Variants in DSCAML1 observed in about 807,000 individuals in gnomAD.
DSCAML1 encodes cell adhesion molecule DSCAML1.
In DSCAML1, 38 loss-of-function variants were observed where a neutral mutation model predicts 200.5. The ratio of observed to expected loss-of-function variants is 0.19; its 90% CI spans 0.15 to 0.25. DSCAML1 has a LOEUF of 0.25. DSCAML1 is among the 10% of genes least tolerant of loss of function. The pLI is 1.00. For missense variants in DSCAML1, 2,223 were observed against 2,858.8 expected (o/e 0.78, Z 5.07); for synonymous variants, 1,215 against 1,165.0 (o/e 1.04, Z -0.87).
At chr11:117,774,016 A>C (rs2055085718) in intron 3 of DSCAML1, among the ~76,000 whole-genome samples, 1 of 152,228 alleles carries the variant, frequency 6.6e-6, no homozygotes, top group African/African-American at 2.4e-5. Flanking sequence ...GCCCTGAAGC[A>C]CCAACTACAG....
At chr11:117,456,478 A>C (rs1280874261) in intron 19 of DSCAML1, among the ~76,000 whole-genome samples, 1 of 152,138 alleles carries the variant, frequency 6.6e-6, no homozygotes, top group East Asian at 1.9e-4. Flanking sequence ...CGGCATTTGG[A>C]AAGTAGCTTT....
intron 3 of DSCAML1, among the ~76,000 whole-genome samples, chr11:117,701,374 T>A (rs1456532866): frequency 6.6e-6 from 1 of 152,122 alleles, no homozygotes; most frequent in Non-Finnish European, 1.5e-5. Context: ...CTGGGCAGGA[T>A]CGTCCCCCAG....
intron 3 of DSCAML1, among the ~76,000 whole-genome samples, chr11:117,612,955 TC>T (rs1306090771): frequency 6.6e-6 from 1 of 152,074 alleles, no homozygotes; most frequent in Non-Finnish European, 1.5e-5. Context: ...TCACTTTCCA[TC>T]CCTGATTGGG....
intron 3 of DSCAML1, among the ~76,000 whole-genome samples, chr11:117,623,809 G>A (rs1276814426): frequency 3.3e-5 from 5 of 152,174 alleles, no homozygotes; most frequent in African/African-American, 1.2e-4. Flanking sequence ...AGACGAGGTA[G>A]CCCAAGATCA....
rs2047983476 is a variant in DSCAML1, at chr11:117,439,073, C to G, written c.4145-90G>C. The G allele has an allele frequency of 3.4e-5, 46 of 1,365,894 alleles. No individual in the cohort carries two copies. In the South Asian group the frequency reaches 5.7e-4, roughly 17 times the overall value. The allele number at this position is 1,365,894 out of a possible 1,614,324, so 84.6% of individuals were successfully genotyped here. On this transcript the variant is annotated intron_variant, in intron 23 of 32. Coordinates refer to ENST00000651296, the MANE Select transcript of DSCAML1 (RefSeq NM_020693.4). ...CCCCCGTGACGGGAAGGTGCTGGCT[C>G]TCCCACACCCTCACTCCCACTCCCA...
intron 3 of DSCAML1, among the ~76,000 whole-genome samples, chr11:117,639,837 C>T (rs1444845847): frequency 5.3e-5 from 8 of 152,266 alleles, no homozygotes; most frequent in East Asian, 1.9e-4. Context: ...CCATGCCTCC[C>T]GCTCCCTTCC....
chr11:117,542,294 C>CAA (rs869061773), intron 3 of DSCAML1, among the ~76,000 whole-genome samples: 1 of 76,568 alleles, frequency 1.3e-5, no homozygotes, highest in South Asian at 4.9e-4. Context: ...GACTCCCTAT[C>CAA]AAAAAAACAA....
At chr11:117,586,892 T>C (rs1239196468) in intron 3 of DSCAML1, among the ~76,000 whole-genome samples, 9 of 152,230 alleles carry the variant, frequency 5.9e-5, no homozygotes, top group Admixed American at 5.9e-4. Flanking sequence ...TGGCTTGCTC[T>C]GCACAGCGCT....
At chr11:117,782,724 A>T (rs982470300) in intron 1 of DSCAML1, among the ~76,000 whole-genome samples, 1 of 152,158 alleles carries the variant, frequency 6.6e-6, no homozygotes, top group African/African-American at 2.4e-5. Context: ...CCTTACTGAC[A>T]TCCATGCAGC....
Position 117,672,102 on chromosome 11 carries a change from GAAAA to G in DSCAML1, c.511+104685_511+104688del, listed in dbSNP as rs71037491. ...GGCGACAGAGCGAGACTCCAGCTCA[GAAAA>G]AAAAAAAAAAAAAAAAAGAAGAAAC... On this transcript the variant is annotated intron_variant, in intron 3 of 32. Transcript: ENST00000651296. 9.9e-3 allele frequency among the ~76,000 whole-genome samples: 939 copies of G among 94,472 alleles called. 9 individuals are homozygous for G. Among genetic ancestry groups the G allele is most frequent in the Non-Finnish European group, 0.014 (697 of 50,350 alleles). 62.0% of individuals were successfully genotyped at this position (94,472 alleles called of 152,430 possible). A position where few individuals can be genotyped will look rare whatever the true frequency, so the allele number is the denominator to read the frequency against.
chr11:117,430,753 C>T lies in DSCAML1; in HGVS notation c.5655G>A (p.Val1885=). 1 of 1,613,776 alleles carries T rather than the reference C, an allele frequency of 6.2e-7. No homozygotes were observed. Among genetic ancestry groups the T allele is most frequent in the African/African-American group, 1.3e-5 (1 of 75,032 alleles). The change falls in exon 32 of 33, where the codon GTG becomes GTA. Residue 1885 remains valine, a synonymous_variant. Transcript: ENST00000651296. The part of the protein sequence containing the change: ...KPQDADRGKN[V]AVPIPHRANK... ...TGGCCCGGTGAGGGATGGGCACAGC[C>T]ACGTTTTTGCCCCGGTCCGCATCCT...
chr11:117,764,870 A>T (rs2054863761), intron 3 of DSCAML1, among the ~76,000 whole-genome samples: 1 of 152,174 alleles, frequency 6.6e-6, no homozygotes, highest in African/African-American at 2.4e-5. Flanking sequence ...TTTGTTACAA[A>T]GTCTCAGAGA....
At chr11:117,714,892 C>G (rs1292800836) in intron 3 of DSCAML1, among the ~76,000 whole-genome samples, 1 of 149,716 alleles carries the variant, frequency 6.7e-6, no homozygotes, top group African/African-American at 2.5e-5. Context: ...GATGACGCAG[C>G]TGGAAGGAGG....
At chr11:117,512,700 C>T (rs2137295073) in intron 8 of DSCAML1, among the ~76,000 whole-genome samples, 1 of 146,908 alleles carries the variant, frequency 6.8e-6, no homozygotes, top group African/African-American at 2.5e-5. Flanking sequence ...CTGCTATGCA[C>T]AGCTTATGCT....
At chr11:117,465,698 G>T (rs190526348) in intron 16 of DSCAML1, among the ~76,000 whole-genome samples, 1 of 152,078 alleles carries the variant, frequency 6.6e-6, no homozygotes, top group East Asian at 1.9e-4. Flanking sequence ...CGCACTCTCC[G>T]TGTCTAGAAT....
At chr11:117,455,768 G>A (rs1379123973) in intron 19 of DSCAML1, among the ~76,000 whole-genome samples, 1 of 152,198 alleles carries the variant, frequency 6.6e-6, no homozygotes, top group Non-Finnish European at 1.5e-5. Flanking sequence ...CCACAGATCT[G>A]TCTGCTTTCC....
intron 32 of DSCAML1, 34 bp downstream of exon 32, chr11:117,430,688 G>A (rs1026674196): frequency 3.2e-6 from 5 of 1,578,396 alleles, no homozygotes; most frequent in Admixed American, 1.7e-5. Context: ...AGGGGGCGGG[G>A]GGGCACTGCC....
intron 3 of DSCAML1, among the ~76,000 whole-genome samples, chr11:117,607,783 C>A (rs1242178761): frequency 6.6e-6 from 1 of 152,226 alleles, no homozygotes; most frequent in South Asian, 2.1e-4. Context: ...ACCAGAGGGG[C>A]CTGTTCCCAA....
chr11:117,719,293 T>C (rs2137790883), intron 3 of DSCAML1, among the ~76,000 whole-genome samples: 1 of 151,962 alleles, frequency 6.6e-6, no homozygotes, highest in African/African-American at 2.4e-5. Context: ...AAAATAAAAC[T>C]AAAAAATAAA....
Sources: allele counts gnomAD v4.1 joint callset (sites outside exome capture counted in the v4.1 genomes callset), GRCh38; gene constraint gnomAD v4.1.1; transcripts MANE v1.5; gene names NCBI Gene and HGNC (gene_info 2026-07-23, HGNC 2026-07-21).